SEPTIN9: variants seen among roughly 807,000 people sequenced by gnomAD.
SEPTIN9 encodes septin-9.
Under a neutral mutation model 56.6 loss-of-function variants are expected in SEPTIN9, and 13 were observed. The observed-to-expected ratio is 0.23, with a 90% CI of 0.15 to 0.37. SEPTIN9 has a LOEUF of 0.37. Ranked by LOEUF, SEPTIN9 falls within the 10% of genes least tolerant of loss-of-function variation. The pLI, the probability that SEPTIN9 is intolerant of heterozygous loss-of-function variation, is 1.00. For missense variants in SEPTIN9, 650 were observed against 823.1 expected (o/e 0.79, Z 2.57); for synonymous variants, 332 against 334.1 (o/e 0.99, Z 0.07).
chr17:77,430,283 G>C (rs772492358), intron 3 of SEPTIN9, among the ~76,000 whole-genome samples: 6 of 152,152 alleles, frequency 3.9e-5, no homozygotes, highest in Non-Finnish European at 8.8e-5. Context: ...AGTCCTTGGA[G>C]AGGACTTTGA....
At chr17:77,491,941 C>T (rs2040048961) in intron 8 of SEPTIN9, among the ~76,000 whole-genome samples, 1 of 151,964 alleles carries the variant, frequency 6.6e-6, no homozygotes, top group East Asian at 1.9e-4. Context: ...TTCCTCCTGA[C>T]AGGGCAGCAC....
rs1456691961 is a variant in SEPTIN9, at chr17:77,344,322, C to T, written c.76+37125C>T. Reference sequence around the variant, plus strand: ...GCCACAATAAAATATGATTTCACACCCTTTAAGGTGGCTGTTAGCCAAAAC... The same window carrying T: ...GCCACAATAAAATATGATTTCACACTCTTTAAGGTGGCTGTTAGCCAAAAC... On this transcript the variant is annotated intron_variant, in intron 2 of 11. Transcript: ENST00000427177. Among the ~76,000 whole-genome samples, 4 of 152,162 alleles carry T rather than the reference C, an allele frequency of 2.6e-5. No individual in the cohort carries two copies. The South Asian group carries it at 8.3e-4, about 32-fold the overall frequency.
chr17:77,390,486 C>G, intron 2 of SEPTIN9, among the ~76,000 whole-genome samples: 1 of 127,678 alleles, frequency 7.8e-6, no homozygotes, highest in African/African-American at 3.0e-5. Context: ...GAGTCTCGCT[C>G]TGTCGCCCAG....
intron 3 of SEPTIN9, among the ~76,000 whole-genome samples, chr17:77,466,099 C>T (rs2038711847): frequency 7.1e-6 from 1 of 141,406 alleles, no homozygotes; most frequent in African/African-American, 2.6e-5. Context: ...CACACACACA[C>T]ACACACACGA....
At chr17:77,417,703 C>A (rs1399696012) in intron 3 of SEPTIN9, among the ~76,000 whole-genome samples, 1 of 152,230 alleles carries the variant, frequency 6.6e-6, no homozygotes, top group East Asian at 1.9e-4. Context: ...TCCTTTTGTT[C>A]ACAAATGTTT....
intron 1 of SEPTIN9, among the ~76,000 whole-genome samples, chr17:77,300,955 C>G (rs1268249087): frequency 7.1e-6 from 1 of 140,074 alleles, no homozygotes; most frequent in Admixed American, 7.1e-5. Context: ...CACCCCCACC[C>G]CAGGCTCAAA....
At chr17:77,443,889 A>C (rs1029672479) in intron 3 of SEPTIN9, among the ~76,000 whole-genome samples, 1 of 152,210 alleles carries the variant, frequency 6.6e-6, no homozygotes, top group African/African-American at 2.4e-5. Flanking sequence ...TAGGGCGAGC[A>C]CTTCTTAGAA....
chr17:77,496,768 G>A (rs958583239), intron 10 of SEPTIN9, among the ~76,000 whole-genome samples: 1 of 152,246 alleles, frequency 6.6e-6, no homozygotes, highest in Non-Finnish European at 1.5e-5. Context: ...ACAGTACGTA[G>A]CCCCTGTGTG....
intron 2 of SEPTIN9, among the ~76,000 whole-genome samples, chr17:77,342,505 T>G (rs1490193499): frequency 1.3e-5 from 2 of 152,244 alleles, no homozygotes; most frequent in African/African-American, 4.8e-5. Flanking sequence ...CTCTGTTATC[T>G]TCATTACTTC....
intron 3 of SEPTIN9, among the ~76,000 whole-genome samples, chr17:77,448,292 G>A (rs2037823615): frequency 6.6e-6 from 1 of 152,036 alleles, no homozygotes; most frequent in Non-Finnish European, 1.5e-5. Flanking sequence ...GGCCAACATG[G>A]TGAAACCCCA....
At chr17:77,370,790 C>T (rs573305011) in intron 2 of SEPTIN9, among the ~76,000 whole-genome samples, 26 of 152,248 alleles carry the variant, frequency 1.7e-4, no homozygotes, top group African/African-American at 5.8e-4. Flanking sequence ...GGGTGGAGGG[C>T]CTCCTCACTA....
At chr17:77,455,239 A>G (rs1334338763) in intron 3 of SEPTIN9, among the ~76,000 whole-genome samples, 1 of 151,610 alleles carries the variant, frequency 6.6e-6, no homozygotes, top group Non-Finnish European at 1.5e-5. Context: ...TGGAACCCCA[A>G]CTCTGGGTCG....
chr17:77,495,331 A>G (rs1001985468), intron 10 of SEPTIN9, among the ~76,000 whole-genome samples: 2 of 152,222 alleles, frequency 1.3e-5, no homozygotes, highest in African/African-American at 2.4e-5. Context: ...ATGTGCCTTC[A>G]GCACTGCTGG....
intron 3 of SEPTIN9, among the ~76,000 whole-genome samples, chr17:77,474,387 T>TAA (rs2039126982): frequency 6.6e-6 from 1 of 152,252 alleles, no homozygotes; most frequent in African/African-American, 2.4e-5. Context: ...TCATCTTTCT[T>TAA]GCAAGGGAAG....
At chr17:77,484,615 G>GGTT (rs2039616196) in intron 4 of SEPTIN9, among the ~76,000 whole-genome samples, 1 of 150,672 alleles carries the variant, frequency 6.6e-6, no homozygotes. Flanking sequence ...TGGTGATGGT[G>GGTT]GTGATGGGGA....
At chr17:77,344,136 G>A (rs1482527995) in intron 2 of SEPTIN9, among the ~76,000 whole-genome samples, 2 of 151,914 alleles carry the variant, frequency 1.3e-5, no homozygotes, top group African/African-American at 2.4e-5. Context: ...TCCGATAAAG[G>A]ACTAGTATCC....
chr17:77,328,137 G>A (rs950090302), intron 2 of SEPTIN9, among the ~76,000 whole-genome samples: 17 of 131,546 alleles, frequency 1.3e-4, no homozygotes, highest in African/African-American at 4.1e-4. Context: ...TTCCCAGGGC[G>A]TCCTGTGCCC....
chr17:77,409,793 C>T (rs1175742861), intron 3 of SEPTIN9, among the ~76,000 whole-genome samples: 4 of 152,368 alleles, frequency 2.6e-5, no homozygotes, highest in Admixed American at 6.5e-5. Context: ...CGCGGCCAGA[C>T]AGCCATGCTC....
chr17:77,321,705 T>G (rs1012866727), intron 2 of SEPTIN9, among the ~76,000 whole-genome samples: 1 of 152,208 alleles, frequency 6.6e-6, no homozygotes, highest in Non-Finnish European at 1.5e-5. Context: ...CACATCTTGA[T>G]TGTCACGTTG....
Sources: allele counts gnomAD v4.1 joint callset (sites outside exome capture counted in the v4.1 genomes callset), GRCh38; gene constraint gnomAD v4.1.1; transcripts MANE v1.5; gene names NCBI Gene and HGNC (gene_info 2026-07-23, HGNC 2026-07-21).